Variants in SAMTOR observed in about 807,000 individuals in gnomAD.
SAMTOR encodes the protein UPF0532 protein C7orf60.
the SAMTOR span, among the ~76,000 whole-genome samples, chr7:112,897,748 A>G: frequency 6.6e-6 from 1 of 152,166 alleles, no homozygotes; most frequent in African/African-American, 2.4e-5. Flanking sequence ...CATAAAAGAG[A>G]GAAATGTATG....
At chr7:112,872,426 T>A in the SAMTOR span, among the ~76,000 whole-genome samples, 1 of 152,112 alleles carries the variant, frequency 6.6e-6, no homozygotes, top group Admixed American at 6.6e-5. Context: ...CATTCCTTCA[T>A]GATAAAAATC....
At chr7:112,837,043 T>C in the SAMTOR span, among the ~76,000 whole-genome samples, 2 of 152,182 alleles carry the variant, frequency 1.3e-5, no homozygotes, top group Non-Finnish European at 2.9e-5. Context: ...AGTATGGCCA[T>C]TTCAACAATA....
At chr7:112,925,060 T>C in the SAMTOR span, among the ~76,000 whole-genome samples, 8 of 152,286 alleles carry the variant, frequency 5.3e-5, no homozygotes, top group East Asian at 9.6e-4. Context: ...GCCTGCTGTA[T>C]TGGAATATTA....
chr7:112,856,789 A>G, the SAMTOR span, among the ~76,000 whole-genome samples: 1 of 152,302 alleles, frequency 6.6e-6, no homozygotes, highest in South Asian at 2.1e-4. Context: ...AGTATCTCCT[A>G]AAACAATTCT....
the SAMTOR span, among the ~76,000 whole-genome samples, chr7:112,897,536 A>G: frequency 6.6e-6 from 1 of 152,198 alleles, no homozygotes; most frequent in Admixed American, 6.5e-5. Flanking sequence ...AATGACAATC[A>G]TCTAAATTCC....
chr7:112,928,327 T>C, the SAMTOR span, among the ~76,000 whole-genome samples: 2 of 152,096 alleles, frequency 1.3e-5, no homozygotes, highest in East Asian at 3.9e-4. Flanking sequence ...GCATTTTTTT[T>C]CCTTCAAAAT....
At chr7:112,897,046 G>A in the SAMTOR span, among the ~76,000 whole-genome samples, 714 of 152,198 alleles carry the variant, frequency 4.7e-3, 6 homozygotes, top group Non-Finnish European at 5.5e-3. Flanking sequence ...ACATAAAGAG[G>A]AAGGAGAGCC....
the SAMTOR span, among the ~76,000 whole-genome samples, chr7:112,882,839 G>A: frequency 6.7e-6 from 1 of 148,776 alleles, no homozygotes; most frequent in East Asian, 1.9e-4. Flanking sequence ...TTGCTCACTA[G>A]GATCACCTCC....
the SAMTOR span, among the ~76,000 whole-genome samples, chr7:112,834,772 A>G: frequency 6.6e-6 from 1 of 152,128 alleles, no homozygotes; most frequent in Non-Finnish European, 1.5e-5. Context: ...TACGGTCAGA[A>G]GGTCAACAGT....
At chr7:112,882,766 T>TAAAAAAAAAAAA in the SAMTOR span, among the ~76,000 whole-genome samples, 1 of 120,664 alleles carries the variant, frequency 8.3e-6, no homozygotes, top group African/African-American at 3.0e-5. Context: ...CATCTTTTTT[T>TAAAAAAAAAAAA]AAAAAAAAAA....
chr7:112,858,445 A>T, the SAMTOR span, among the ~76,000 whole-genome samples: 13 of 152,038 alleles, frequency 8.6e-5, no homozygotes, highest in African/African-American at 2.9e-4. Flanking sequence ...AGAAAATAGA[A>T]GATAATAGTA....
the SAMTOR span, among the ~76,000 whole-genome samples, chr7:112,839,682 T>C: frequency 1.3e-5 from 2 of 151,826 alleles, no homozygotes; most frequent in African/African-American, 4.8e-5. Context: ...CTTTGATGAA[T>C]CCTGGATCAA....
At chr7:112,833,395 G>C in the SAMTOR span, among the ~76,000 whole-genome samples, 6 of 152,172 alleles carry the variant, frequency 3.9e-5, no homozygotes, top group African/African-American at 1.4e-4. Flanking sequence ...GGGGATAATA[G>C]TGGTATTTAC....
chr7:112,933,298 A>G, the SAMTOR span, among the ~76,000 whole-genome samples: 1 of 152,246 alleles, frequency 6.6e-6, no homozygotes, highest in South Asian at 2.1e-4. Flanking sequence ...ATACTGAAGA[A>G]GATATGATTA....
At chr7:112,917,579 C>T in the SAMTOR span, among the ~76,000 whole-genome samples, 14 of 152,232 alleles carry the variant, frequency 9.2e-5, no homozygotes, top group South Asian at 1.9e-3. Flanking sequence ...TCACCAGCAA[C>T]GGAATAAAGC....
At chr7:112,896,281 T>G in the SAMTOR span, among the ~76,000 whole-genome samples, 3,442 of 149,004 alleles carry the variant, frequency 0.023, 65 homozygotes, top group Admixed American at 0.042. Context: ...AGCTCATTTT[T>G]CTTCTTATTT....
the SAMTOR span, among the ~76,000 whole-genome samples, chr7:112,867,304 A>G: frequency 6.6e-6 from 1 of 152,226 alleles, no homozygotes; most frequent in Non-Finnish European, 1.5e-5. Context: ...GAAAAGCTAA[A>G]AATTCAATCG....
At chr7:112,924,816 GTTCT>G in the SAMTOR span, among the ~76,000 whole-genome samples, 1 of 26,226 alleles carries the variant, frequency 3.8e-5, no homozygotes, top group African/African-American at 6.3e-5. Flanking sequence ...AATGGCCAAT[GTTCT>G]TTTTTTTTTA....
chr7:112,902,101 T>TA, the SAMTOR span, among the ~76,000 whole-genome samples: 4 of 152,076 alleles, frequency 2.6e-5, no homozygotes, highest in African/African-American at 4.8e-5. Flanking sequence ...ATGAAGTCAG[T>TA]AAAAAAGGTG....
Sources: allele counts gnomAD v4.1 joint callset (sites outside exome capture counted in the v4.1 genomes callset), GRCh38; gene constraint gnomAD v4.1.1; transcripts MANE v1.5; gene names NCBI Gene and HGNC (gene_info 2026-07-23, HGNC 2026-07-21).